Variants in DMD observed in about 807,000 individuals in gnomAD.
The protein encoded by DMD is mutant dystrophin.
Under a neutral mutation model 330.1 loss-of-function variants are expected in DMD, and 63 were observed. The ratio of observed to expected loss-of-function variants is 0.19; its 90% confidence interval spans 0.16 to 0.24. The LOEUF (loss-of-function observed/expected upper bound fraction) is 0.24, where lower values mean the gene tolerates loss of function less well. Ranked by LOEUF, DMD falls within the 10% of genes least tolerant of loss-of-function variation. DMD has a pLI of 1.00. For synonymous variants in DMD, 1,223 were observed against 959.8 expected (o/e 1.27, Z -5.07); for missense variants, 3,344 against 2,684.1 (o/e 1.25, Z -5.43).
At chrX:32,830,768 C>A (rs2079089757) in intron 4 of DMD, among the ~76,000 whole-genome samples, 1 of 111,320 alleles carries the variant, frequency 9.0e-6, no homozygotes, top group Admixed American at 9.6e-5. Flanking sequence ...CTGTTATCTT[C>A]GGAAGTTGCT....
chrX:32,896,367 CCACCCCTGGTGACTTCAAGGCT>C (rs1216455748), intron 2 of DMD, among the ~76,000 whole-genome samples: 2 of 111,888 alleles, frequency 1.8e-5, no homozygotes, highest in Non-Finnish European at 3.8e-5. Context: ...TTGACACCAG[CCACCCCTGGTGACTTCAAGGCT>C]CATCAGCAAT....
chrX:32,686,923 A>C (rs1247879507), intron 9 of DMD, among the ~76,000 whole-genome samples: 1 of 111,583 alleles, frequency 9.0e-6, no homozygotes, highest in Non-Finnish European at 1.9e-5. Flanking sequence ...TCCTAGACCA[A>C]ATATTTCTGC....
intron 48 of DMD, among the ~76,000 whole-genome samples, chrX:31,863,909 A>G (rs1053541607): frequency 2.7e-5 from 3 of 111,108 alleles, no homozygotes; most frequent in Non-Finnish European, 3.8e-5. Context: ...GTTGAAAAAT[A>G]TGATTTAAAT....
At position 31,478,156 on chromosome X, in the gene DMD, C is replaced by T. The variant is rs756567967; in HGVS notation, c.8887G>A (p.Val2963Met). 30 of 1,208,679 alleles carry T rather than the reference C, an allele frequency of 2.5e-5. No homozygotes were observed. The highest frequency in any genetic ancestry group is 5.9e-5 in the East Asian group (2 of 33,744). ...AGAGAGTCAATGAGGAGATCGCCCA[C>T]GGGCTGCCAGGATCCCTTGATCACC... Reference protein sequence around the residue: ...AEVIKGSWQPVGDLLIDSLQD... With the variant: ...AEVIKGSWQPMGDLLIDSLQD... Residue 2963 changes from valine to methionine, a missense_variant, in exon 59 of 79, where the codon GTG becomes ATG. By Grantham distance (21) the Val-to-Met change is conservative. Transcript: ENST00000357033.
At chrX:32,160,484 C>T (rs2096845609) in intron 44 of DMD, among the ~76,000 whole-genome samples, 1 of 110,275 alleles carries the variant, frequency 9.1e-6, no homozygotes, top group Non-Finnish European at 1.9e-5. Context: ...ATCCGCCTGC[C>T]TCAGCATCCC....
chrX:32,198,134 A>G (rs902381885), intron 44 of DMD, among the ~76,000 whole-genome samples: 1 of 112,061 alleles, frequency 8.9e-6, no homozygotes, highest in Non-Finnish European at 1.9e-5. Context: ...TAGTTGATGA[A>G]CATCTTTTAG....
chrX:32,441,663 C>T (rs1239332241), intron 27 of DMD, among the ~76,000 whole-genome samples: 1 of 111,251 alleles, frequency 9.0e-6, no homozygotes, highest in Non-Finnish European at 1.9e-5. Context: ...TCACTGTTAC[C>T]AGTATTCTGT....
intron 7 of DMD, among the ~76,000 whole-genome samples, chrX:32,734,717 C>T (rs2068197178): frequency 9.1e-6 from 1 of 110,067 alleles, no homozygotes; most frequent in South Asian, 3.8e-4. Context: ...TTCAACAACC[C>T]TTCATGCTAA....
chrX:32,252,825 T>TATATAAAAATATATATAA lies in DMD; in HGVS notation c.6290+34703_6290+34704insTTATATATATTTTTATAT, dbSNP rs2097277989. Among the ~76,000 whole-genome samples the TATATAAAAATATATATAA allele has an allele frequency of 3.5e-4, 22 of 62,781 alleles. 2 individuals are homozygous for TATATAAAAATATATATAA. Among genetic ancestry groups the TATATAAAAATATATATAA allele is most frequent in the Non-Finnish European group, 3.9e-4 (15 of 38,906 alleles). 54.5% of individuals were successfully genotyped at this position (62,781 alleles called of 115,157 possible). A position where few individuals can be genotyped will look rare whatever the true frequency, so the allele number is the denominator to read the frequency against. ...ATATAAATATATATAAGTATATAAATATATATAAATATATATAAATATATA... is the reference window on the plus strand; with the variant it reads ...ATATAAATATATATAAGTATATAAATATATAAAAATATATATAAATATATAAATATATATAAATATATA... On this transcript the variant is annotated intron_variant, in intron 43 of 78. Transcript: ENST00000357033.
intron 1 of DMD, among the ~76,000 whole-genome samples, chrX:33,121,219 C>G (rs996016839): frequency 9.2e-6 from 1 of 108,439 alleles, no homozygotes; most frequent in Admixed American, 9.9e-5. Context: ...AATTTTGACT[C>G]AATTTATCAT....
chrX:31,470,869 G>A (rs183300241), intron 59 of DMD, among the ~76,000 whole-genome samples: 1 of 112,392 alleles, frequency 8.9e-6, no homozygotes, highest in African/African-American at 3.2e-5. Flanking sequence ...AATCTAGAGA[G>A]GCAATCTGGC....
intron 45 of DMD, among the ~76,000 whole-genome samples, chrX:31,950,264 G>A (rs1290603334): frequency 2.7e-5 from 3 of 111,296 alleles, no homozygotes; most frequent in Non-Finnish European, 5.7e-5. Flanking sequence ...AATGGATTTA[G>A]AAGTTGTTGA....
Position 32,662,238 on chromosome X carries a change from C to T in DMD, c.961-17086G>A, listed in dbSNP as rs1235235765. 3.6e-5 allele frequency among the ~76,000 whole-genome samples: 4 copies of T among 111,060 alleles called. No homozygotes were observed. The Admixed American group carries it at 3.8e-4, about 11-fold the overall frequency. On this transcript the variant is annotated intron_variant, in intron 9 of 78. Transcript: ENST00000357033. ...CACTAAAAAGGTCATCAAATTATTG[C>T]CACGTCCATAAATTAAAATATGTTA...
chrX:32,741,503 G>A (rs1249317602), intron 7 of DMD, among the ~76,000 whole-genome samples: 1 of 111,619 alleles, frequency 9.0e-6, no homozygotes, highest in African/African-American at 3.3e-5. Flanking sequence ...ATATCCATGA[G>A]TCCATAAGAC....
At chrX:31,528,477 G>T (rs976126116) in intron 55 of DMD, among the ~76,000 whole-genome samples, 20 of 112,006 alleles carry the variant, frequency 1.8e-4, no homozygotes, top group Non-Finnish European at 3.0e-4. Context: ...AGGGGTGGAG[G>T]GATACTAAGG....
chrX:33,178,098 G>A lies in DMD; in HGVS notation c.31+33184C>T, dbSNP rs959729278. On this transcript the variant is annotated intron_variant, in intron 1 of 78. Transcript: ENST00000357033. Reference sequence around the variant, plus strand: ...TATTGTCACTAGAGATTGAAACAAAGCTTTCAACTCCAATTGTTATAAAAG... The same window carrying A: ...TATTGTCACTAGAGATTGAAACAAAACTTTCAACTCCAATTGTTATAAAAG... 2.5e-4 allele frequency among the ~76,000 whole-genome samples: 28 copies of A among 112,158 alleles called. No homozygotes were observed. In the East Asian group the frequency reaches 6.2e-3, roughly 25 times the overall value.
At chrX:33,130,072 A>G (rs1336169582) in intron 1 of DMD, among the ~76,000 whole-genome samples, 4 of 111,981 alleles carry the variant, frequency 3.6e-5, no homozygotes, top group African/African-American at 1.3e-4. Context: ...AGTTGGGCCA[A>G]AGTTAGAGAA....
chrX:32,624,533 C>T (rs1031887127), intron 11 of DMD, among the ~76,000 whole-genome samples: 11 of 111,370 alleles, frequency 9.9e-5, no homozygotes, highest in Non-Finnish European at 1.5e-4. Flanking sequence ...ATGATTGTGC[C>T]CAGTGTTTCT....
chrX:31,541,387 G>A (rs959759917), intron 55 of DMD, among the ~76,000 whole-genome samples: 1 of 109,045 alleles, frequency 9.2e-6, no homozygotes, highest in African/African-American at 3.3e-5. Flanking sequence ...TGTGCACAAC[G>A]TGCGGGTTTG....
Sources: gnomAD v4.1 joint callset for allele counts (sites outside exome capture counted in the v4.1 genomes callset) on GRCh38, gnomAD v4.1.1 for gene constraint, MANE v1.5 for transcripts, NCBI Gene and HGNC (gene_info 2026-07-23, HGNC 2026-07-21) for gene names.